The following TAFA2 variants were observed in gnomAD, a reference collection of about 807,000 sequenced individuals.
TAFA2 encodes the protein chemokine-like protein TAFA-2.
TAFA2 carries 7 observed loss-of-function variants against 18.8 expected under a neutral mutation model. The observed-to-expected ratio is 0.37, with a 90% CI of 0.21 to 0.70. The LOEUF is 0.70. Ranked by LOEUF, TAFA2 falls within the 30% of genes least tolerant of loss-of-function variation. The pLI is 0.53. For synonymous variants in TAFA2, 60 were observed against 54.2 expected (o/e 1.11, Z -0.47); for missense variants, 122 against 158.1 (o/e 0.77, Z 1.23).
At chr12:61,956,503 A>G (rs1033900735) in intron 1 of TAFA2, among the ~76,000 whole-genome samples, 2 of 152,064 alleles carry the variant, frequency 1.3e-5, no homozygotes, top group African/African-American at 2.4e-5. Context: ...AGTACACATA[A>G]TAATATCTGA....
intron 1 of TAFA2, among the ~76,000 whole-genome samples, chr12:61,933,471 G>T (rs1378137487): frequency 6.6e-6 from 1 of 152,086 alleles, no homozygotes; most frequent in Non-Finnish European, 1.5e-5. Context: ...CAGCACTTTG[G>T]GAGGCAAAGG....
chr12:62,083,591 C>A (rs143481203), intron 1 of TAFA2, among the ~76,000 whole-genome samples: 1 of 152,128 alleles, frequency 6.6e-6, no homozygotes, highest in African/African-American at 2.4e-5. Context: ...AGTTGCAAAC[C>A]CAAACCACAT....
At chr12:61,958,193 C>T (rs1878763490) in intron 1 of TAFA2, among the ~76,000 whole-genome samples, 1 of 152,086 alleles carries the variant, frequency 6.6e-6, no homozygotes, top group African/African-American at 2.4e-5. Flanking sequence ...TTCTCTCACA[C>T]AATAATACCT....
chr12:61,830,585 G>A (rs1466678512), intron 2 of TAFA2, among the ~76,000 whole-genome samples: 1 of 151,776 alleles, frequency 6.6e-6, no homozygotes, highest in Non-Finnish European at 1.5e-5. Flanking sequence ...AGTCATGGGA[G>A]ACTCAGAAAA....
intron 1 of TAFA2, among the ~76,000 whole-genome samples, chr12:62,073,084 G>A (rs1402323681): frequency 6.6e-6 from 1 of 152,184 alleles, no homozygotes; most frequent in Non-Finnish European, 1.5e-5. Context: ...CCAAGATACT[G>A]CTTCTGATGG....
rs899777098 is a variant in TAFA2, at chr12:61,744,290, T to C, written c.384+9332A>G. On this transcript the variant is annotated intron_variant, in intron 4 of 4. Transcript: ENST00000416284. Reference sequence around the variant, plus strand: ...AACTGTAAGATTATAAGCACAACATTTGGAGTAACATCTACAGATTAACAC... The same window carrying C: ...AACTGTAAGATTATAAGCACAACATCTGGAGTAACATCTACAGATTAACAC... Among the ~76,000 whole-genome samples the C allele has an allele frequency of 2.6e-5, 4 of 152,238 alleles. No individual in the cohort carries two copies. The East Asian group carries it at 5.8e-4, about 22-fold the overall frequency.
At chr12:61,724,360 C>T (rs1870040642) in intron 4 of TAFA2, among the ~76,000 whole-genome samples, 2 of 150,760 alleles carry the variant, frequency 1.3e-5, no homozygotes, top group African/African-American at 2.4e-5. Context: ...TCTCCCTCTC[C>T]CTCTCCTCTC....
At chr12:61,720,345 G>A (rs1292723031) in intron 4 of TAFA2, among the ~76,000 whole-genome samples, 1 of 152,116 alleles carries the variant, frequency 6.6e-6, no homozygotes, top group Admixed American at 6.6e-5. Flanking sequence ...ACTAACAGAA[G>A]TCCAAGAATA....
At chr12:62,179,799 A>G (rs1001703025) in intron 1 of TAFA2, among the ~76,000 whole-genome samples, 1 of 151,662 alleles carries the variant, frequency 6.6e-6, no homozygotes. Flanking sequence ...TCTTACTTTT[A>G]CTCCATCTGG....
chr12:61,871,218 C>A (rs1299710769), intron 1 of TAFA2, among the ~76,000 whole-genome samples: 2 of 151,914 alleles, frequency 1.3e-5, no homozygotes, highest in African/African-American at 2.4e-5. Flanking sequence ...CAAGTTTGAA[C>A]AAAGTGAAAC....
Position 61,883,045 on chromosome 12 carries a change from T to G in TAFA2, c.-1-15619A>C, listed in dbSNP as rs116552854. ...ATCATTTAACAAACGTTATTAAACA[T>G]CTACTGTTACTTTAAACACTGGCAA... is the stretch of plus-strand genomic sequence containing the variant. On this transcript the variant is annotated intron_variant, in intron 1 of 4. Coordinates refer to ENST00000416284, the MANE Select transcript of TAFA2 (RefSeq NM_178539.5). Among the ~76,000 whole-genome samples the G allele has an allele frequency of 3.3e-3, 508 of 152,310 alleles. 3 individuals carry two copies. The highest frequency in any genetic ancestry group is 0.012 in the African/African-American group (490 of 41,582).
intron 1 of TAFA2, among the ~76,000 whole-genome samples, chr12:61,898,273 A>G (rs146650560): frequency 6.6e-6 from 1 of 152,160 alleles, no homozygotes; most frequent in Non-Finnish European, 1.5e-5. Context: ...TTGTCAGTGG[A>G]TCTACAATTC....
chr12:61,864,105 G>A (rs1039151990), intron 2 of TAFA2, among the ~76,000 whole-genome samples: 11 of 151,992 alleles, frequency 7.2e-5, no homozygotes, highest in Middle Eastern at 3.2e-3. Flanking sequence ...ACTTGGCTCC[G>A]CTTCCAAAAA....
chr12:62,106,376 A>G (rs1869455004), intron 1 of TAFA2, among the ~76,000 whole-genome samples: 1 of 152,034 alleles, frequency 6.6e-6, no homozygotes, highest in African/African-American at 2.4e-5. Flanking sequence ...AAAAACAAAA[A>G]CAAAAACAAA....
At chr12:62,194,959 A>T (rs570198570), upstream of TAFA2, among the ~76,000 whole-genome samples, 287 of 152,226 alleles carry the variant, frequency 1.9e-3, 4 homozygotes, top group African/African-American at 5.9e-3. Context: ...TGCTTTTTTT[A>T]AAAAAAGTGT....
intron 1 of TAFA2, among the ~76,000 whole-genome samples, chr12:61,899,346 T>C (rs1875996185): frequency 6.6e-6 from 1 of 152,134 alleles, no homozygotes; most frequent in African/African-American, 2.4e-5. Flanking sequence ...TAGTCCATTT[T>C]CACCCTGATA....
chr12:61,898,248 GATGCATGGTGTGGGT>G (rs1160544663), intron 1 of TAFA2, among the ~76,000 whole-genome samples: 2 of 152,196 alleles, frequency 1.3e-5, no homozygotes, highest in Non-Finnish European at 1.5e-5. Context: ...ATCTTTTCCA[GATGCATGGTGTGGGT>G]TGTCAGTGGA....
At chr12:62,164,198 C>G (rs910453471) in intron 1 of TAFA2, among the ~76,000 whole-genome samples, 10 of 152,076 alleles carry the variant, frequency 6.6e-5, no homozygotes, top group African/African-American at 1.2e-4. Context: ...TAGCTGAGTC[C>G]ATTGATCTGC....
intron 1 of TAFA2, among the ~76,000 whole-genome samples, chr12:62,243,906 T>C (rs964881665): frequency 6.6e-6 from 1 of 152,172 alleles, no homozygotes; most frequent in African/African-American, 2.4e-5. Context: ...GCCTCTCAAG[T>C]AACTGGGACT....
Sources: gnomAD v4.1 joint callset for allele counts (sites outside exome capture counted in the v4.1 genomes callset) on GRCh38, gnomAD v4.1.1 for gene constraint, MANE v1.5 for transcripts, NCBI Gene and HGNC (gene_info 2026-07-23, HGNC 2026-07-21) for gene names.